Variants in TMC5 observed in about 807,000 individuals in gnomAD.
TMC5 encodes transmembrane channel-like protein 5.
A neutral mutation model predicts 110.5 loss-of-function variants in TMC5; 86 were observed. That is an observed-to-expected ratio of 0.78 (90% CI 0.65 to 0.93). TMC5 has a LOEUF of 0.93. Ranked by LOEUF, TMC5 falls within the 40% of genes least tolerant of loss-of-function variation. The pLI is 0.00. For missense variants in TMC5, 1,144 were observed against 1,222.8 expected (o/e 0.94, Z 0.96); for synonymous variants, 455 against 439.5 (o/e 1.04, Z -0.44).
chr16:19,444,365 T>A, intron 4 of TMC5, 115 bp downstream of exon 4: 1 of 907,622 alleles, frequency 1.1e-6, no homozygotes, highest in Non-Finnish European at 1.6e-6. Context: ...CCTTCCAATC[T>A]CAGAGACCCT....
In TMC5 at chr16:19,497,988, A is replaced by C; in HGVS notation, c.*22A>C. The stretch of plus-strand genomic sequence containing the variant: ...CTGATGACTCTTTTGGTAACCAGAC[A>C]CCAATCAAATAAGGGGAGGAGACGA... On this transcript the variant is annotated 3_prime_UTR_variant, in exon 22 of 22. Coordinates refer to ENST00000542583, the MANE Select transcript of TMC5 (RefSeq NM_001261841.2). 1 of 1,610,696 alleles carries C rather than the reference A, an allele frequency of 6.2e-7. No individual in the cohort carries two copies. The highest frequency in any genetic ancestry group is 8.5e-7 in the Non-Finnish European group (1 of 1,176,962).
intron 1 of TMC5, among the ~76,000 whole-genome samples, chr16:19,422,660 C>T (rs1477297660): frequency 6.6e-6 from 1 of 151,864 alleles, no homozygotes; most frequent in Non-Finnish European, 1.5e-5. Flanking sequence ...AATGTCTCTA[C>T]AAAAAAAATT....
intron 9 of TMC5, 73 bp from the exon 10 acceptor site, chr16:19,469,608 C>T: frequency 5.1e-6 from 8 of 1,571,380 alleles, no homozygotes; most frequent in Non-Finnish European, 7.0e-6. Context: ...ATAGGGCTGC[C>T]CTTTGTTGAA....
chr16:19,428,412 G>T (rs180882081), intron 1 of TMC5, among the ~76,000 whole-genome samples: 1 of 150,158 alleles, frequency 6.7e-6, no homozygotes, highest in Non-Finnish European at 1.5e-5. Flanking sequence ...AGCCTCAAAC[G>T]ATTGCGCTGG....
chr16:19,453,861 G>C (rs1967805338), intron 5 of TMC5, among the ~76,000 whole-genome samples: 1 of 152,164 alleles, frequency 6.6e-6, no homozygotes, highest in South Asian at 2.1e-4. Context: ...CTGCCACATA[G>C]TGTGCGTGCT....
intron 15 of TMC5, among the ~76,000 whole-genome samples, chr16:19,485,497 C>T (rs1968718172): frequency 1.3e-5 from 2 of 152,068 alleles, no homozygotes. Flanking sequence ...GGGGTTTTGC[C>T]ATGTTGGCCA....
At chr16:19,426,880 A>G (rs1183725440) in intron 1 of TMC5, among the ~76,000 whole-genome samples, 1 of 152,128 alleles carries the variant, frequency 6.6e-6, no homozygotes, top group Non-Finnish European at 1.5e-5. Context: ...TAAAGGAATC[A>G]CTTGGGAAAC....
chr16:19,460,375 G>A (rs575970874), intron 6 of TMC5, 41 bp downstream of exon 6: 22 of 1,394,970 alleles, frequency 1.6e-5, no homozygotes, highest in East Asian at 1.1e-4. Context: ...GATTTCATGC[G>A]AACCTCAATC....
At chr16:19,486,890 C>G (rs532441400) in intron 15 of TMC5, 55 bp from the exon 16 acceptor site, 1 of 1,504,590 alleles carries the variant, frequency 6.6e-7, no homozygotes, top group Non-Finnish European at 9.2e-7. Context: ...CCCAGATTCA[C>G]CCCGACTCCT....
intron 19 of TMC5, among the ~76,000 whole-genome samples, chr16:19,493,466 T>TTTC (rs55737824): frequency 3.9e-4 from 48 of 124,502 alleles, no homozygotes; most frequent in Non-Finnish European, 5.5e-4. Flanking sequence ...TCTCTCTCTC[T>TTTC]TTTTTTTTTT....
chr16:19,423,189 A>G (rs1331972514), intron 1 of TMC5, among the ~76,000 whole-genome samples: 1 of 152,178 alleles, frequency 6.6e-6, no homozygotes, highest in Non-Finnish European at 1.5e-5. Context: ...ATAAATCAAG[A>G]TATCTCAACT....
intron 4 of TMC5, among the ~76,000 whole-genome samples, chr16:19,445,766 A>G (rs1490247369): frequency 6.6e-6 from 1 of 152,072 alleles, no homozygotes; most frequent in Admixed American, 6.6e-5. Flanking sequence ...CAGGTCTGGA[A>G]GAAGGCAGAG....
chr16:19,467,172 G>A (rs907206837), intron 9 of TMC5, among the ~76,000 whole-genome samples: 1 of 151,806 alleles, frequency 6.6e-6, no homozygotes, highest in African/African-American at 2.4e-5. Flanking sequence ...AGAAAGAAAA[G>A]CAACATGCAA....
intron 6 of TMC5, among the ~76,000 whole-genome samples, chr16:19,461,612 A>G (rs1377337559): frequency 6.6e-6 from 1 of 152,156 alleles, no homozygotes; most frequent in African/African-American, 2.4e-5. Context: ...GAAAAAATAC[A>G]TAAAGACCTT....
chr16:19,466,689 T>C (rs2143611311), intron 9 of TMC5, among the ~76,000 whole-genome samples: 1 of 152,290 alleles, frequency 6.6e-6, no homozygotes, highest in South Asian at 2.1e-4. Context: ...AATTATTCCT[T>C]GTCCTGCAAT....
Position 19,463,920 on chromosome 16 carries a change from A to T in TMC5, c.1381A>T (p.Ile461Phe). Residue 461 changes from isoleucine (I) to phenylalanine (F), a missense_variant, in exon 8 of 22, where the codon ATT (isoleucine) becomes TTT (phenylalanine). Physicochemically the swap from Ile to Phe is conservative, Grantham distance 21. Transcript: ENST00000542583. Reference protein sequence around the residue: ...NFLRWLLKFNIFSFILNFSFI... With the variant: ...NFLRWLLKFNFFSFILNFSFI... ...TCTGAGATGGCTTTTGAAGTTCAAC[A>T]TTTTCTCATTCATCCTGAACTTCAG... 2 of 1,614,074 alleles carry T rather than the reference A, an allele frequency of 1.2e-6. No individual in the cohort carries two copies. Among genetic ancestry groups the T allele is most frequent in the African/African-American group, 2.7e-5 (2 of 75,020 alleles).
intron 5 of TMC5, chr16:19,457,143 G>GCA: frequency 2.7e-6 from 2 of 748,366 alleles, no homozygotes; most frequent in Non-Finnish European, 4.2e-6. Flanking sequence ...TAATCCTACG[G>GCA]CTTTGGGAGG....
intron 1 of TMC5, among the ~76,000 whole-genome samples, chr16:19,420,680 C>G (rs1966964018): frequency 6.6e-6 from 1 of 152,150 alleles, no homozygotes; most frequent in South Asian, 2.1e-4. Context: ...CTAAGCTGGT[C>G]TCCAACTCCT....
At chr16:19,490,963 C>T (rs1276101756) in intron 18 of TMC5, among the ~76,000 whole-genome samples, 6 of 74,144 alleles carry the variant, frequency 8.1e-5, no homozygotes, top group African/African-American at 2.3e-4. Context: ...CCCTTCCCCT[C>T]CCTTCCCTTC....
Sources: allele counts gnomAD v4.1 joint callset (sites outside exome capture counted in the v4.1 genomes callset), GRCh38; gene constraint gnomAD v4.1.1; transcripts MANE v1.5; gene names NCBI Gene and HGNC (gene_info 2026-07-23, HGNC 2026-07-21).